The following LRRC4C variants were observed in gnomAD, a reference collection of about 807,000 sequenced individuals.
LRRC4C encodes leucine rich repeat containing 4C.
A neutral mutation model predicts 33.6 loss-of-function variants in LRRC4C; 5 were observed. The ratio of observed to expected loss-of-function variants is 0.15; its 90% CI spans 0.08 to 0.31. The LOEUF (loss-of-function observed/expected upper bound fraction) is 0.31, where lower values mean the gene tolerates loss of function less well. Ranked by LOEUF, LRRC4C falls within the 10% of genes least tolerant of loss-of-function variation. The pLI is 1.00. For synonymous variants in LRRC4C, 329 were observed against 302.0 expected, an observed-to-expected ratio of 1.09 and a Z score of -0.93; for missense variants, 560 against 796.7, an observed-to-expected ratio of 0.70 and a Z score of 3.58.
At chr11:41,095,417 C>T (rs1214413196) in intron 1 of LRRC4C, among the ~76,000 whole-genome samples, 4 of 152,136 alleles carry the variant, frequency 2.6e-5, no homozygotes, top group Admixed American at 1.3e-4. Flanking sequence ...TTAATACCTA[C>T]CTTTTGTGTC....
intron 1 of LRRC4C, among the ~76,000 whole-genome samples, chr11:41,392,714 GAC>G (rs1172000503): frequency 2.1e-5 from 3 of 145,978 alleles, no homozygotes; most frequent in African/African-American, 7.3e-5. Context: ...GTCATTTAAA[GAC>G]ACACACAGGG....
chr11:40,496,865 A>T (rs79468821), intron 3 of LRRC4C, among the ~76,000 whole-genome samples: 2,601 of 152,278 alleles, frequency 0.017, 93 homozygotes, highest in African/African-American at 0.059. Flanking sequence ...AGAAGATTCT[A>T]AAAGTTCAGT....
intron 2 of LRRC4C, among the ~76,000 whole-genome samples, chr11:40,667,090 G>T (rs748293427): frequency 2.0e-5 from 3 of 152,102 alleles, no homozygotes; most frequent in Non-Finnish European, 4.4e-5. Flanking sequence ...AAAAAAATCT[G>T]ACTTCAACAG....
chr11:40,991,899 A>T (rs1162621882), intron 1 of LRRC4C, among the ~76,000 whole-genome samples: 1 of 152,074 alleles, frequency 6.6e-6, no homozygotes, highest in African/African-American at 2.4e-5. Flanking sequence ...TGTGCAACCC[A>T]GTTCCTAACA....
chr11:40,221,975 G>T (rs1864453054), intron 5 of LRRC4C, among the ~76,000 whole-genome samples: 1 of 152,030 alleles, frequency 6.6e-6, no homozygotes, highest in African/African-American at 2.4e-5. Flanking sequence ...CTTTAACTTG[G>T]TGTCTGAGGA....
chr11:40,760,908 A>AT (rs906218984), intron 2 of LRRC4C, among the ~76,000 whole-genome samples: 18 of 146,884 alleles, frequency 1.2e-4, no homozygotes, highest in Admixed American at 2.8e-4. Context: ...TATATTATAT[A>AT]TTTTTTTTGT....
At chr11:40,953,961 T>A (rs1958835097) in intron 1 of LRRC4C, among the ~76,000 whole-genome samples, 1 of 151,882 alleles carries the variant, frequency 6.6e-6, no homozygotes, top group African/African-American at 2.4e-5. Flanking sequence ...TAGAAATTCA[T>A]CCAAAGAAAA....
chr11:40,387,311 G>C (rs1949149413), intron 3 of LRRC4C, among the ~76,000 whole-genome samples: 1 of 152,024 alleles, frequency 6.6e-6, no homozygotes, highest in African/African-American at 2.4e-5. Flanking sequence ...CTTATTTCTT[G>C]ATAGGTTACT....
intron 3 of LRRC4C, among the ~76,000 whole-genome samples, chr11:40,596,668 TA>T (rs1217655628): frequency 2.0e-5 from 3 of 151,962 alleles, no homozygotes; most frequent in Non-Finnish European, 2.9e-5. Flanking sequence ...TGGGTTCAAT[TA>T]AAAAAAATTT....
Position 40,143,609 on chromosome 11 carries a change from C to A in LRRC4C, c.-95-2756G>T, listed in dbSNP as rs368439918. Among the ~76,000 whole-genome samples the A allele has an allele frequency of 2.3e-4, 35 of 152,258 alleles. 2 individuals are homozygous for A. Among genetic ancestry groups the A allele is most frequent in the African/African-American group, 8.2e-4 (34 of 41,556 alleles). ...CATGACAACAGTGCCACCTTTCATG[C>A]AAATACCTGTATACTTTGCTTCTTT... On this transcript the variant is annotated intron_variant, in intron 5 of 6. Coordinates refer to ENST00000528697, the MANE Select transcript of LRRC4C (RefSeq NM_001258419.2).
intron 4 of LRRC4C, among the ~76,000 whole-genome samples, chr11:40,283,449 T>C (rs925178630): frequency 6.6e-6 from 1 of 152,094 alleles, no homozygotes; most frequent in Admixed American, 6.6e-5. Flanking sequence ...AATGTTTTAT[T>C]ATGCAAAGTA....
At chr11:40,521,599 G>A (rs751431953) in intron 3 of LRRC4C, among the ~76,000 whole-genome samples, 19 of 152,082 alleles carry the variant, frequency 1.2e-4, no homozygotes, top group Non-Finnish European at 2.8e-4. Context: ...GGCCAGGCGC[G>A]GTGGCTCATG....
rs113963420 is a variant in LRRC4C, at chr11:40,180,643, A to G, written c.-95-39790T>C. Among the ~76,000 whole-genome samples the G allele has an allele frequency of 2.4e-3, 369 of 152,288 alleles. 2 individuals are homozygous for G. The highest frequency in any genetic ancestry group is 8.5e-3 in the African/African-American group (353 of 41,562). ...GTTGGTTTCCTCTTTACTCTTACTTAGAACAGCTCTTCTTTTGTGTCTGTT... is the reference window on the plus strand; with the variant it reads ...GTTGGTTTCCTCTTTACTCTTACTTGGAACAGCTCTTCTTTTGTGTCTGTT... On this transcript the variant is annotated intron_variant, in intron 5 of 6. Coordinates refer to ENST00000528697, the MANE Select transcript of LRRC4C (RefSeq NM_001258419.2).
intron 1 of LRRC4C, among the ~76,000 whole-genome samples, chr11:40,978,384 G>T (rs1852242108): frequency 2.0e-5 from 3 of 152,146 alleles, no homozygotes; most frequent in African/African-American, 4.8e-5. Context: ...TTCTTAACTG[G>T]AAGGAAATTT....
At chr11:41,257,327 G>A (rs967288069) in intron 1 of LRRC4C, among the ~76,000 whole-genome samples, 1 of 151,864 alleles carries the variant, frequency 6.6e-6, no homozygotes, top group Admixed American at 6.6e-5. Context: ...TGGTTAAAAA[G>A]AAAAGAGTAA....
At chr11:40,188,768 T>C (rs1014210920) in intron 5 of LRRC4C, among the ~76,000 whole-genome samples, 15 of 152,202 alleles carry the variant, frequency 9.9e-5, no homozygotes, top group Middle Eastern at 3.4e-3. Flanking sequence ...ATACAAATTA[T>C]GGTCCTGATT....
intron 1 of LRRC4C, among the ~76,000 whole-genome samples, chr11:40,950,883 ATT>A (rs556509078): frequency 1.4e-5 from 2 of 144,546 alleles, no homozygotes; most frequent in Middle Eastern, 3.5e-3. Flanking sequence ...CAACTTGCTT[ATT>A]TTTTTTTTTT....
At chr11:40,715,057 A>G (rs1946640598) in intron 2 of LRRC4C, among the ~76,000 whole-genome samples, 1 of 152,192 alleles carries the variant, frequency 6.6e-6, no homozygotes, top group Non-Finnish European at 1.5e-5. Flanking sequence ...GCAGAGCACA[A>G]ACGTAAAGGA....
At chr11:40,500,389 T>G (rs1293015706) in intron 3 of LRRC4C, among the ~76,000 whole-genome samples, 2 of 150,996 alleles carry the variant, frequency 1.3e-5, no homozygotes, top group Non-Finnish European at 2.9e-5. Context: ...AAAGAACATT[T>G]ATAATTATTT....
Sources: allele counts gnomAD v4.1 joint callset (sites outside exome capture counted in the v4.1 genomes callset), GRCh38; gene constraint gnomAD v4.1.1; transcripts MANE v1.5; gene names NCBI Gene and HGNC (gene_info 2026-07-23, HGNC 2026-07-21).